The following HIBADH variants were observed in gnomAD, a reference collection of about 807,000 sequenced individuals.
The protein encoded by HIBADH is 3-hydroxyisobutyrate dehydrogenase.
Under a neutral mutation model 36.1 loss-of-function variants are expected in HIBADH, and 25 were observed. The observed-to-expected ratio is 0.69, with a 90% CI of 0.50 to 0.97. The LOEUF is 0.97. HIBADH is among the 50% of genes least tolerant of loss of function. HIBADH has a pLI of 0.00. For missense variants in HIBADH, 421 were observed against 418.0 expected, an observed-to-expected ratio of 1.01 and a Z score of -0.06; for synonymous variants, 160 against 149.5, an observed-to-expected ratio of 1.07 and a Z score of -0.51.
chr7:27,638,466 G>A (rs1785896684), intron 2 of HIBADH, among the ~76,000 whole-genome samples: 1 of 151,968 alleles, frequency 6.6e-6, no homozygotes, highest in Non-Finnish European at 1.5e-5. Flanking sequence ...AGACTTAAAT[G>A]TAAAACCTAA....
At chr7:27,563,900 C>CTTTTTT (rs56869443) in intron 4 of HIBADH, among the ~76,000 whole-genome samples, 1 of 133,504 alleles carries the variant, frequency 7.5e-6, no homozygotes, top group African/African-American at 2.8e-5. Context: ...TGTTAATTTT[C>CTTTTTT]TTTTTTTTTT....
chr7:27,604,106 A>G (rs991927348), intron 4 of HIBADH, among the ~76,000 whole-genome samples: 2 of 152,158 alleles, frequency 1.3e-5, no homozygotes, highest in Non-Finnish European at 2.9e-5. Context: ...ACTATTTCCA[A>G]CTGAAATGAG....
chr7:27,526,827 C>T (rs1290976113), intron 7 of HIBADH, among the ~76,000 whole-genome samples: 1 of 152,038 alleles, frequency 6.6e-6, no homozygotes, highest in East Asian at 1.9e-4. Flanking sequence ...AAATGATGAG[C>T]AAAACAGCCA....
chr7:27,604,882 C>T (rs568656601), intron 4 of HIBADH, among the ~76,000 whole-genome samples: 1 of 152,178 alleles, frequency 6.6e-6, no homozygotes, highest in South Asian at 2.1e-4. Flanking sequence ...AAAACATATA[C>T]ATTTCTTAAA....
intron 4 of HIBADH, among the ~76,000 whole-genome samples, chr7:27,549,765 C>T (rs778431224): frequency 1.3e-5 from 2 of 152,160 alleles, no homozygotes; most frequent in Non-Finnish European, 2.9e-5. Flanking sequence ...TCACCTCATT[C>T]TAACATTTAT....
intron 7 of HIBADH, among the ~76,000 whole-genome samples, chr7:27,529,704 T>C (rs1783963256): frequency 6.6e-6 from 1 of 152,246 alleles, no homozygotes; most frequent in Non-Finnish European, 1.5e-5. Flanking sequence ...ACAAACTTAG[T>C]TGATAAAGTA....
intron 4 of HIBADH, among the ~76,000 whole-genome samples, chr7:27,596,975 G>T (rs1785043898): frequency 6.6e-6 from 1 of 152,058 alleles, no homozygotes; most frequent in Non-Finnish European, 1.5e-5. Flanking sequence ...TTAAAAAAGT[G>T]TGTATATGCA....
intron 4 of HIBADH, among the ~76,000 whole-genome samples, chr7:27,574,903 T>G (rs1277803494): frequency 6.6e-6 from 1 of 152,184 alleles, no homozygotes; most frequent in Non-Finnish European, 1.5e-5. Context: ...TTTAGGAGAT[T>G]TAATAGAGAA....
chr7:27,551,071 T>A (rs1784311522), intron 4 of HIBADH, among the ~76,000 whole-genome samples: 1 of 152,212 alleles, frequency 6.6e-6, no homozygotes, highest in Admixed American at 6.5e-5. Flanking sequence ...ATCTACAATG[T>A]ATACATATTT....
At position 27,538,334 on chromosome 7, in the gene HIBADH, A is replaced by G; in HGVS notation, c.695+7T>C. The G allele has an allele frequency of 6.2e-7, 1 of 1,608,004 alleles. No individual in the cohort carries two copies. Among genetic ancestry groups the G allele is most frequent in the East Asian group, 2.2e-5 (1 of 44,816 alleles). On this transcript the variant is annotated splice_region_variant and intron_variant, in intron 6 of 7. Transcript: ENST00000265395. ...ATGTTAGTATAAAAACGTACTATTC[A>G]ACAAACCTGATTCCAAGATTCATAG...
chr7:27,551,818 TAA>T (rs1175677802), intron 4 of HIBADH, among the ~76,000 whole-genome samples: 1 of 152,156 alleles, frequency 6.6e-6, no homozygotes, highest in Non-Finnish European at 1.5e-5. Context: ...CAAAAGAACT[TAA>T]ATGTTTTAAC....
chr7:27,590,318 C>G (rs950978671), intron 4 of HIBADH, among the ~76,000 whole-genome samples: 3 of 152,186 alleles, frequency 2.0e-5, no homozygotes, highest in Non-Finnish European at 4.4e-5. Flanking sequence ...GAACTCAGAT[C>G]TGAGTTCAGA....
chr7:27,617,550 A>C (rs1458351562), intron 4 of HIBADH, among the ~76,000 whole-genome samples: 1 of 152,212 alleles, frequency 6.6e-6, no homozygotes, highest in African/African-American at 2.4e-5. Flanking sequence ...GAATAAAAAT[A>C]CCTCAAATAG....
At position 27,538,429 on chromosome 7, in the gene HIBADH, T is replaced by C; in HGVS notation, c.619-12A>G. ...CAGATCTTTGCCGCCTGAAAATAAA[T>C]TGAGTACATATTAAATATCTGTATT... On this transcript the variant is annotated splice_polypyrimidine_tract_variant and intron_variant, in intron 5 of 7. Transcript: ENST00000265395. The C allele has an allele frequency of 6.2e-7, 1 of 1,602,624 alleles. No homozygotes were observed. The highest frequency in any genetic ancestry group is 8.5e-7 in the Non-Finnish European group (1 of 1,170,750).
At chr7:27,652,187 T>G (rs963493940) in intron 1 of HIBADH, among the ~76,000 whole-genome samples, 1 of 152,220 alleles carries the variant, frequency 6.6e-6, no homozygotes, top group Non-Finnish European at 1.5e-5. Context: ...TTTACTAAGT[T>G]GTAATGCCAA....
rs377271898 is a variant in HIBADH, at chr7:27,638,512, T to C, written c.253-6067A>G. Among the ~76,000 whole-genome samples, 15 of 152,082 alleles carry C rather than the reference T, an allele frequency of 9.9e-5. No homozygotes were observed. The South Asian group carries it at 1.7e-3, about 17-fold the overall frequency. ...ACCTGGAAGATAACCTAGGAAATAC[T>C]GTTTCTAGACATAGGACCTGGAAAA... is the stretch of plus-strand genomic sequence containing the variant. On this transcript the variant is annotated intron_variant, in intron 2 of 7. Transcript: ENST00000265395.
chr7:27,589,288 A>T (rs981968837), intron 4 of HIBADH, among the ~76,000 whole-genome samples: 2 of 152,190 alleles, frequency 1.3e-5, no homozygotes, highest in Non-Finnish European at 2.9e-5. Flanking sequence ...TTTTTGTTTT[A>T]ATTTTTATAG....
chr7:27,586,656 G>A lies in HIBADH; in HGVS notation c.484+42715C>T, dbSNP rs193045204. 4.1e-3 allele frequency among the ~76,000 whole-genome samples: 628 copies of A among 151,544 alleles called. 4 individuals carry two copies. Among genetic ancestry groups the A allele is most frequent in the Middle Eastern group, 0.02 (6 of 294 alleles). ...GGGGAGAGACAGAGAAGAAGAAAAA[G>A]GAGGAGGAGGAGGAGGAGACAAAAA... On this transcript the variant is annotated intron_variant, in intron 4 of 7. Transcript: ENST00000265395.
chr7:27,640,746 A>C (rs1785945777), intron 2 of HIBADH, among the ~76,000 whole-genome samples: 1 of 152,158 alleles, frequency 6.6e-6, no homozygotes, highest in Non-Finnish European at 1.5e-5. Context: ...ACAGACCTTC[A>C]TGGTGTAGTG....
Sources: gnomAD v4.1 joint callset for allele counts (sites outside exome capture counted in the v4.1 genomes callset) on GRCh38, gnomAD v4.1.1 for gene constraint, MANE v1.5 for transcripts, NCBI Gene and HGNC (gene_info 2026-07-23, HGNC 2026-07-21) for gene names.